IGSF21: variants seen among roughly 807,000 people sequenced by gnomAD.
IGSF21 encodes immunoglobin superfamily member 21.
IGSF21 carries 28 observed loss-of-function variants against 46.8 expected under a neutral mutation model. That is an observed-to-expected ratio of 0.60 (90% CI 0.44 to 0.82). IGSF21 has a LOEUF of 0.82. IGSF21 is among the 40% of genes least tolerant of loss of function. IGSF21 has a pLI of 0.00. For synonymous variants in IGSF21, 284 were observed against 273.6 expected (o/e 1.04, Z -0.38); for missense variants, 624 against 665.5 (o/e 0.94, Z 0.69).
intron 4 of IGSF21, among the ~76,000 whole-genome samples, chr1:18,342,060 TTTTTTTTTG>T (rs2085847493): frequency 6.8e-6 from 1 of 147,502 alleles, no homozygotes; most frequent in African/African-American, 2.5e-5. Context: ...CCTTGTTTTT[TTTTTTTTTG>T]TTTGTTTGTT....
intron 2 of IGSF21, among the ~76,000 whole-genome samples, chr1:18,269,123 T>C (rs2085018741): frequency 6.6e-6 from 1 of 152,146 alleles, no homozygotes; most frequent in Non-Finnish European, 1.5e-5. Flanking sequence ...AAGGAGGAAG[T>C]GAGGCTGCAG....
intron 1 of IGSF21, among the ~76,000 whole-genome samples, chr1:18,147,694 A>G (rs2086482474): frequency 1.3e-5 from 2 of 152,182 alleles, no homozygotes; most frequent in African/African-American, 4.8e-5. Flanking sequence ...TACCTCCTAC[A>G]TACCAGGATG....
chr1:18,369,153 C>T (rs966473014), intron 6 of IGSF21, among the ~76,000 whole-genome samples: 2 of 152,142 alleles, frequency 1.3e-5, no homozygotes, highest in African/African-American at 2.4e-5. Flanking sequence ...ATGAAGGGCC[C>T]TAATTGGGTG....
In IGSF21 at chr1:18,176,411, G is replaced by A. The variant is rs187021004; in HGVS notation, c.71-51487G>A. ...TGAATTCCAGTCTGGTCTCCCCCAG[G>A]CTCTAGCCAAGTGATCTTGAGAGCA... On this transcript the variant is annotated intron_variant, in intron 1 of 9. Coordinates refer to ENST00000251296, the MANE Select transcript of IGSF21 (RefSeq NM_032880.5). 1.3e-3 allele frequency among the ~76,000 whole-genome samples: 203 copies of A among 152,310 alleles called. 1 individual carries two copies. The highest frequency in any genetic ancestry group is 4.0e-3 in the African/African-American group (165 of 41,564).
At chr1:18,285,686 G>A (rs748745785) in intron 2 of IGSF21, among the ~76,000 whole-genome samples, 8 of 152,174 alleles carry the variant, frequency 5.3e-5, no homozygotes, top group Non-Finnish European at 8.8e-5. Context: ...GCATGGGGAA[G>A]AAAAGAGACA....
At chr1:18,131,243 A>T (rs539827519) in intron 1 of IGSF21, among the ~76,000 whole-genome samples, 4 of 152,274 alleles carry the variant, frequency 2.6e-5, no homozygotes, top group African/African-American at 9.6e-5. Flanking sequence ...CAGAAACCAC[A>T]CTGGTAGCTC....
intron 1 of IGSF21, among the ~76,000 whole-genome samples, chr1:18,204,939 C>T (rs761673447): frequency 1.3e-5 from 2 of 152,144 alleles, no homozygotes; most frequent in Admixed American, 6.6e-5. Flanking sequence ...ACTCCCTTTT[C>T]GTTTTTTGTT....
chr1:18,279,631 C>T (rs1012928509), intron 2 of IGSF21, among the ~76,000 whole-genome samples: 1 of 152,224 alleles, frequency 6.6e-6, no homozygotes, highest in Non-Finnish European at 1.5e-5. Flanking sequence ...AGAGATGGGG[C>T]CCAGGTCTTC....
At chr1:18,151,925 G>A (rs922382059) in intron 1 of IGSF21, among the ~76,000 whole-genome samples, 3 of 152,102 alleles carry the variant, frequency 2.0e-5, no homozygotes, top group Non-Finnish European at 4.4e-5. Flanking sequence ...CTGAACACTG[G>A]GTTTCAAGCA....
At chr1:18,251,404 C>T (rs1039597947) in intron 2 of IGSF21, among the ~76,000 whole-genome samples, 2 of 152,134 alleles carry the variant, frequency 1.3e-5, no homozygotes, top group Non-Finnish European at 1.5e-5. Context: ...TTCTTATTCA[C>T]GGAAAGTTGG....
At chr1:18,145,828 G>A (rs1430601969) in intron 1 of IGSF21, among the ~76,000 whole-genome samples, 2 of 152,170 alleles carry the variant, frequency 1.3e-5, no homozygotes, top group Non-Finnish European at 2.9e-5. Flanking sequence ...TGCCAAGGTC[G>A]ACGCTCTGCC....
At chr1:18,201,190 G>A (rs1263101384) in intron 1 of IGSF21, among the ~76,000 whole-genome samples, 3 of 152,152 alleles carry the variant, frequency 2.0e-5, no homozygotes, top group Admixed American at 6.5e-5. Flanking sequence ...GCATGGGTGA[G>A]CAGCCCTGGG....
chr1:18,267,519 A>G (rs1240335435), intron 2 of IGSF21, among the ~76,000 whole-genome samples: 1 of 152,206 alleles, frequency 6.6e-6, no homozygotes, highest in Admixed American at 6.5e-5. Context: ...CCACTATGGA[A>G]AAAGACATTT....
chr1:18,233,617 A>G (rs946031217), intron 2 of IGSF21, among the ~76,000 whole-genome samples: 14 of 152,312 alleles, frequency 9.2e-5, no homozygotes, highest in African/African-American at 2.2e-4. Flanking sequence ...CACCTATTCA[A>G]TGATAGCTAT....
In IGSF21 at chr1:18,109,123, C is replaced by G. The variant is rs193043464; in HGVS notation, c.70+925C>G. Among the ~76,000 whole-genome samples the G allele has an allele frequency of 3.3e-5, 5 of 151,928 alleles. No homozygotes were observed. Among genetic ancestry groups the G allele is most frequent in the Non-Finnish European group, 7.4e-5 (5 of 67,978 alleles). On this transcript the variant is annotated intron_variant, in intron 1 of 9. Transcript: ENST00000251296. This position sits in a 1 kb window ranked among gnomAD's most constrained non-coding sequence, Gnocchi z 4.8. ...GAGGTGGCTCCGCAGCCCCAGGGTC[C>G]GCGGCCGGCCTCCCACCCAGTGCCG... is the stretch of plus-strand genomic sequence containing the variant.
At chr1:18,213,229 C>T (rs2084410253) in intron 1 of IGSF21, among the ~76,000 whole-genome samples, 1 of 152,196 alleles carries the variant, frequency 6.6e-6, no homozygotes, top group African/African-American at 2.4e-5. Flanking sequence ...CATTCATTCA[C>T]TTTTTTTCCA....
intron 1 of IGSF21, among the ~76,000 whole-genome samples, chr1:18,163,475 G>A (rs994456342): frequency 3.9e-5 from 6 of 152,160 alleles, no homozygotes; most frequent in African/African-American, 9.7e-5. Context: ...GCCGGGAGGC[G>A]GTTTCTTTTG....
intron 1 of IGSF21, among the ~76,000 whole-genome samples, chr1:18,131,710 C>G (rs2086323465): frequency 6.6e-6 from 1 of 152,146 alleles, no homozygotes; most frequent in African/African-American, 2.4e-5. Flanking sequence ...ACTCAGGGAT[C>G]CAGGCCTCCT....
At chr1:18,120,011 T>C (rs1392439761) in intron 1 of IGSF21, among the ~76,000 whole-genome samples, 2 of 152,246 alleles carry the variant, frequency 1.3e-5, no homozygotes, top group Admixed American at 1.3e-4. Flanking sequence ...TGGAACCACA[T>C]GGGCTTCTGG....
Sources: gnomAD v4.1 joint callset for allele counts (sites outside exome capture counted in the v4.1 genomes callset) on GRCh38, gnomAD v4.1.1 for gene constraint, Gnocchi (gnomAD v3.1) non-coding constraint, MANE v1.5 for transcripts, NCBI Gene and HGNC (gene_info 2026-07-23, HGNC 2026-07-21) for gene names.